The following ARHGEF4 variants were observed in gnomAD, a reference collection of about 807,000 sequenced individuals.
ARHGEF4 encodes Rho guanine nucleotide exchange factor 4.
ARHGEF4 carries 119 observed loss-of-function variants against 162.0 expected under a neutral mutation model. The observed-to-expected ratio is 0.73, with a 90% CI of 0.63 to 0.86. The LOEUF is 0.86. Among genes scored for constraint, ARHGEF4 ranks in the 40% least tolerant of loss-of-function variants. The pLI, the probability that ARHGEF4 is intolerant of heterozygous loss-of-function variation, is 0.00. For missense variants in ARHGEF4, 2,488 were observed against 2,456.0 expected, an observed-to-expected ratio of 1.01 and a Z score of -0.28; for synonymous variants, 1,014 against 979.9, an observed-to-expected ratio of 1.03 and a Z score of -0.65.
chr2:130,888,573 C>T (rs1320001259), intron 1 of ARHGEF4, among the ~76,000 whole-genome samples: 4 of 151,970 alleles, frequency 2.6e-5, no homozygotes, highest in African/African-American at 7.3e-5. Flanking sequence ...CACTAATTTT[C>T]GGTTGTGGTA....
Position 130,946,596 on chromosome 2 carries a change from C to A in ARHGEF4, c.3946C>A (p.Leu1316Met). Residue 1316 changes from leucine (L) to methionine (M), a missense_variant, in exon 4 of 14, where the codon CTG becomes ATG. Transcript: ENST00000409359. ...ACTCTCCCAGAGTGCTCCAACGGGA[C>A]TGAACCACATGGGCTGGCCAGAGCA... ...HPLSQSAPTG[L>M]NHMGWPEHTP... The A allele has an allele frequency of 6.2e-7, 1 of 1,614,122 alleles. No homozygotes were observed. Among genetic ancestry groups the A allele is most frequent in the Non-Finnish European group, 8.5e-7 (1 of 1,179,986 alleles).
At chr2:130,924,274 A>T (rs1682085329) in intron 2 of ARHGEF4, among the ~76,000 whole-genome samples, 1 of 96,768 alleles carries the variant, frequency 1.0e-5, no homozygotes, top group South Asian at 5.3e-4. Flanking sequence ...AGACCGTGGC[A>T]TAGTTCCTTT....
intron 3 of ARHGEF4, 132 bp downstream of exon 3, chr2:130,931,389 A>G (rs896311667): frequency 3.0e-6 from 3 of 992,682 alleles, no homozygotes; most frequent in African/African-American, 1.6e-5. Flanking sequence ...CCCTTGGATT[A>G]CAGCATGCTG....
intron 1 of ARHGEF4, among the ~76,000 whole-genome samples, chr2:130,888,806 TTA>T (rs1285709144): frequency 2.6e-5 from 4 of 151,636 alleles, no homozygotes; most frequent in South Asian, 2.1e-4. Context: ...TGTTTAGAAA[TTA>T]TATGTCTGTC....
chr2:130,906,114 G>A (rs1004459119), intron 1 of ARHGEF4, among the ~76,000 whole-genome samples: 3 of 152,098 alleles, frequency 2.0e-5, no homozygotes, highest in African/African-American at 7.2e-5. Flanking sequence ...TTTAATTCTT[G>A]AGCAATTCCA....
chr2:130,989,593 T>C (rs1445843214), intron 4 of ARHGEF4, among the ~76,000 whole-genome samples: 1 of 152,204 alleles, frequency 6.6e-6, no homozygotes, highest in Non-Finnish European at 1.5e-5. Context: ...ACCCATCACC[T>C]CTCTTCCCAG....
chr2:131,038,888 A>G lies in ARHGEF4; in HGVS notation c.4161A>G (p.Ala1387=). 6.2e-7 allele frequency: 1 copy of G among 1,613,208 alleles called. No individual in the cohort carries two copies. Among genetic ancestry groups the G allele is most frequent in the South Asian group, 1.1e-5 (1 of 91,068 alleles). The stretch of plus-strand genomic sequence containing the variant: ...ATGGCAGTGTGGTCTGCGCTGAAGC[A>G]CTCTGGGACCATGTCACCATGGACG... ...ISDGSVVCAE[A]LWDHVTMDDQ... is the part of the protein sequence containing the mutation. The change falls in exon 6 of 14, where the codon GCA becomes GCG. Residue 1387 remains alanine, a synonymous_variant. Coordinates refer to ENST00000409359, the MANE Select transcript of ARHGEF4 (RefSeq NM_001367493.1).
At chr2:130,885,287 A>T (rs1169912297) in intron 1 of ARHGEF4, among the ~76,000 whole-genome samples, 1 of 152,258 alleles carries the variant, frequency 6.6e-6, no homozygotes, top group Admixed American at 6.5e-5. Context: ...ACAGGATTGC[A>T]TAACCTATGG....
intron 1 of ARHGEF4, among the ~76,000 whole-genome samples, chr2:130,889,720 G>T (rs1303941760): frequency 6.8e-6 from 1 of 146,912 alleles, no homozygotes; most frequent in Non-Finnish European, 1.5e-5. Context: ...GCTGAGGCAG[G>T]AGAATCACTT....
intron 1 of ARHGEF4, among the ~76,000 whole-genome samples, chr2:130,871,490 C>T (rs1486902543): frequency 1.3e-5 from 2 of 151,444 alleles, no homozygotes; most frequent in Non-Finnish European, 2.9e-5. Flanking sequence ...AAGCCAAGAT[C>T]GAGTCATTGT....
chr2:130,890,658 G>C (rs1316140696), intron 1 of ARHGEF4, among the ~76,000 whole-genome samples: 3 of 151,876 alleles, frequency 2.0e-5, no homozygotes, highest in African/African-American at 7.2e-5. Flanking sequence ...CTCTTTGGCT[G>C]TGTCTGATTT....
chr2:130,987,505 T>A (rs968938281), intron 4 of ARHGEF4, among the ~76,000 whole-genome samples: 1 of 152,210 alleles, frequency 6.6e-6, no homozygotes, highest in Admixed American at 6.5e-5. Flanking sequence ...CAGCTTTTAT[T>A]CCCTTATTGT....
intron 3 of ARHGEF4, among the ~76,000 whole-genome samples, chr2:130,935,021 T>A (rs956862513): frequency 1.3e-5 from 2 of 152,196 alleles, no homozygotes; most frequent in African/African-American, 4.8e-5. Context: ...TTTAGTAATT[T>A]GTATTTTCTC....
intron 3 of ARHGEF4, among the ~76,000 whole-genome samples, chr2:130,939,366 T>A (rs1683147214): frequency 6.6e-6 from 1 of 152,200 alleles, no homozygotes. Flanking sequence ...CCTCACTGAA[T>A]CACTTTTGCA....
chr2:131,002,809 C>T (rs1004661049), intron 4 of ARHGEF4, among the ~76,000 whole-genome samples: 6 of 149,064 alleles, frequency 4.0e-5, no homozygotes, highest in African/African-American at 1.2e-4. Context: ...GCTGCTGGAA[C>T]GGACAGTCTG....
chr2:130,948,267 G>T (rs1207011187), intron 4 of ARHGEF4, among the ~76,000 whole-genome samples: 2 of 152,220 alleles, frequency 1.3e-5, no homozygotes, highest in Non-Finnish European at 2.9e-5. Flanking sequence ...TGTGGTGGTT[G>T]TCCATCAGCA....
chr2:131,032,772 G>A (rs1354460398), intron 5 of ARHGEF4, among the ~76,000 whole-genome samples: 1 of 151,546 alleles, frequency 6.6e-6, no homozygotes, highest in Non-Finnish European at 1.5e-5. Context: ...CCCCTCCCTG[G>A]TGGGAGCTGT....
At chr2:131,001,195 C>T (rs1015934416) in intron 4 of ARHGEF4, among the ~76,000 whole-genome samples, 4 of 145,776 alleles carry the variant, frequency 2.7e-5, no homozygotes, top group South Asian at 2.2e-4. Context: ...CCCAGCTACT[C>T]GGGAGGCTGA....
At chr2:130,911,638 C>T (rs182940133) in intron 1 of ARHGEF4, among the ~76,000 whole-genome samples, 209 of 152,336 alleles carry the variant, frequency 1.4e-3, no homozygotes, top group African/African-American at 4.2e-3. Context: ...AGTGCAGCTG[C>T]GCAGACTACA....
Sources: allele counts gnomAD v4.1 joint callset (sites outside exome capture counted in the v4.1 genomes callset), GRCh38; gene constraint gnomAD v4.1.1; transcripts MANE v1.5; gene names NCBI Gene and HGNC (gene_info 2026-07-23, HGNC 2026-07-21).